SRP68: variants seen among roughly 807,000 people sequenced by gnomAD.
SRP68 encodes the protein signal recognition particle 68, also known as signal recognition particle subunit SRP68.
A neutral mutation model predicts 82.2 loss-of-function variants in SRP68; 15 were observed. The ratio of observed to expected loss-of-function variants is 0.18; its 90% CI spans 0.12 to 0.28. The LOEUF is 0.28. Among genes scored for constraint, SRP68 ranks in the 10% least tolerant of loss-of-function variants. The pLI is 1.00. For synonymous variants in SRP68, 261 were observed against 292.6 expected (o/e 0.89, Z 1.10); for missense variants, 595 against 780.5 (o/e 0.76, Z 2.83).
At chr17:76,070,208 G>A (rs1159138643) in intron 2 of SRP68, among the ~76,000 whole-genome samples, 170 bp downstream of exon 2, 2 of 129,226 alleles carry the variant, frequency 1.5e-5, no homozygotes, top group Non-Finnish European at 3.1e-5. Flanking sequence ...TGGCGACAGA[G>A]CGAGACTCCA....
chr17:76,041,469 A>C (rs1406587349), intron 13 of SRP68: 1 of 152,646 alleles, frequency 6.6e-6, no homozygotes, highest in East Asian at 1.9e-4. Context: ...AGGGTGATGA[A>C]TTTTCCTGGC....
chr17:76,071,576 G>A lies in SRP68; in HGVS notation c.184+732C>T, dbSNP rs896623012. Among the ~76,000 whole-genome samples the A allele has an allele frequency of 6.6e-6, 1 of 152,124 alleles. No homozygotes were observed. The highest frequency in any genetic ancestry group is 2.4e-5 in the African/African-American group (1 of 41,440). On this transcript the variant is annotated intron_variant, in intron 1 of 15. Transcript: ENST00000307877. The surrounding 1 kb of genome is among the most constrained non-coding windows in gnomAD (Gnocchi z 4.7). ...TAATTCAAAATATTTAACTCCAAGC[G>A]CCTGAGAACTTTAAGCACATTAAGA...
chr17:76,072,007 G>A lies in SRP68; in HGVS notation c.184+301C>T, dbSNP rs1254908789. 1 of 506,884 alleles carries A rather than the reference G, an allele frequency of 2.0e-6. No homozygotes were observed. 31.4% of individuals were successfully genotyped at this position (506,884 alleles called of 1,614,324 possible). ...CAAGGTGCCAAAGCAAGGTGCTCAAGGTGTCACTTGGTCACAAGCCCTCCA... is the reference window on the plus strand; with the variant it reads ...CAAGGTGCCAAAGCAAGGTGCTCAAAGTGTCACTTGGTCACAAGCCCTCCA... On this transcript the variant is annotated intron_variant, in intron 1 of 15. Transcript: ENST00000307877. This position sits in a 1 kb window ranked among gnomAD's most constrained non-coding sequence, Gnocchi z 4.5.
At chr17:76,054,700 G>A (rs1276772135) in intron 8 of SRP68, among the ~76,000 whole-genome samples, 3 of 151,954 alleles carry the variant, frequency 2.0e-5, no homozygotes, top group African/African-American at 7.2e-5. Context: ...GTATGCGCCT[G>A]TAATCCCAGC....
At position 76,040,433 on chromosome 17, in the gene SRP68, C is replaced by T; in HGVS notation, c.1642G>A (p.Val548Ile). Residue 548 changes from valine (V) to isoleucine (I), a missense_variant, in exon 15 of 16, where the codon GTC (valine) becomes ATC (isoleucine). Coordinates refer to ENST00000307877, the MANE Select transcript of SRP68 (RefSeq NM_014230.4). ...AHQTETSSSQ[V>I]KDNKPLVERF... ...CCCAGACTTACCTTATTGTCCTTGACTTGGGAGGAGGAGGTCTCTGTTTGA... is the reference window on the plus strand; with the variant it reads ...CCCAGACTTACCTTATTGTCCTTGATTTGGGAGGAGGAGGTCTCTGTTTGA... 1.2e-6 allele frequency: 2 copies of T among 1,614,132 alleles called. No homozygotes were observed. The highest frequency in any genetic ancestry group is 8.5e-7 in the Non-Finnish European group (1 of 1,179,976).
intron 10 of SRP68, among the ~76,000 whole-genome samples, chr17:76,047,247 A>G (rs1008717908): frequency 7.9e-5 from 12 of 152,160 alleles, no homozygotes; most frequent in African/African-American, 2.9e-4. Context: ...CCTCTGGAGT[A>G]TCTGAGACCA....
At chr17:76,055,860 C>T (rs1248070169) in intron 8 of SRP68, among the ~76,000 whole-genome samples, 1 of 135,550 alleles carries the variant, frequency 7.4e-6, no homozygotes, top group Non-Finnish European at 1.5e-5. Flanking sequence ...CAGGCTGCAG[C>T]ATAGTGGTGT....
At chr17:76,064,650 G>C (rs537245388) in intron 3 of SRP68, among the ~76,000 whole-genome samples, 1 of 152,022 alleles carries the variant, frequency 6.6e-6, no homozygotes, top group Non-Finnish European at 1.5e-5. Context: ...AGATCAGCCT[G>C]GCCAACATGG....
intron 7 of SRP68, among the ~76,000 whole-genome samples, chr17:76,058,233 A>C (rs1043779195): frequency 6.6e-5 from 10 of 151,540 alleles, no homozygotes; most frequent in African/African-American, 2.2e-4. Flanking sequence ...AGCTTACTGC[A>C]ACCTCCACCT....
At position 76,043,976 on chromosome 17, in the gene SRP68, G is replaced by T. The variant is rs937319369; in HGVS notation, c.1395-18C>A. 3 of 1,590,916 alleles carry T rather than the reference G, an allele frequency of 1.9e-6. No homozygotes were observed. The highest frequency in any genetic ancestry group is 1.4e-5 in the African/African-American group (1 of 73,346). On this transcript the variant is annotated intron_variant, in intron 12 of 15. Transcript: ENST00000307877. Reference sequence around the variant, plus strand: ...AAAAACACCTGATGGGGAGGGAAAAGAGCCACAATATTCTAAAGCAGCAAT... The same window carrying T: ...AAAAACACCTGATGGGGAGGGAAAATAGCCACAATATTCTAAAGCAGCAAT...
intron 4 of SRP68, among the ~76,000 whole-genome samples, chr17:76,061,815 G>T (rs1025057530): frequency 1.3e-5 from 2 of 151,552 alleles, no homozygotes; most frequent in Admixed American, 1.3e-4. Flanking sequence ...TTAAAAATAA[G>T]AATAAATTTT....
Position 76,063,211 on chromosome 17 carries a change from C to T in SRP68, c.561+765G>A, listed in dbSNP as rs1353933794. Reference sequence around the variant, plus strand: ...TCAAAAGAAGGAAATTTGTTTTCTGCATTTTACTTAACCATTTTCTGAGCT... The same window carrying T: ...TCAAAAGAAGGAAATTTGTTTTCTGTATTTTACTTAACCATTTTCTGAGCT... On this transcript the variant is annotated intron_variant, in intron 4 of 15. Coordinates refer to ENST00000307877, the MANE Select transcript of SRP68 (RefSeq NM_014230.4). 2.6e-5 allele frequency among the ~76,000 whole-genome samples: 4 copies of T among 152,266 alleles called. No individual in the cohort carries two copies. The East Asian group carries it at 7.7e-4, about 29-fold the overall frequency.
intron 4 of SRP68, 72 bp from the exon 5 acceptor site, chr17:76,061,646 G>C: frequency 7.8e-7 from 1 of 1,288,952 alleles, no homozygotes; most frequent in Admixed American, 1.8e-5. Context: ...TCCTTTATTG[G>C]CTTCTAACTT....
intron 1 of SRP68, among the ~76,000 whole-genome samples, chr17:76,070,707 T>C (rs1053990966): frequency 2.0e-5 from 3 of 151,824 alleles, no homozygotes; most frequent in Admixed American, 2.0e-4. Flanking sequence ...CCGGGCGCAA[T>C]GGCTAGCACC....
intron 2 of SRP68, among the ~76,000 whole-genome samples, chr17:76,068,020 A>C (rs374823930): frequency 6.6e-6 from 1 of 152,004 alleles, no homozygotes; most frequent in Non-Finnish European, 1.5e-5. Flanking sequence ...GGCTGGGTGC[A>C]GTGGCTCACA....
chr17:76,040,037 CTCACTCAA>C lies in SRP68; in HGVS notation c.1657-112_1657-105del, dbSNP rs140507187. 1.9e-3 allele frequency: 2,086 copies of C among 1,110,960 alleles called. 31 individuals are homozygous for C. The African/African-American group carries it at 0.027, about 14-fold the overall frequency. 68.8% of individuals were successfully genotyped at this position (1,110,960 alleles called of 1,614,324 possible). A position where few individuals can be genotyped will look rare whatever the true frequency, so the allele number is the denominator to read the frequency against. On this transcript the variant is annotated intron_variant, in intron 15 of 15. Transcript: ENST00000307877. ...TGGTTCAGAGCTTTACAGGGGCCAT[CTCACTCAA>C]TCACTCAATCCCGACAGCCTCCTAC... is the stretch of plus-strand genomic sequence containing the variant.
At position 76,070,440 on chromosome 17, in the gene SRP68, A is replaced by C. The variant is rs771736131; in HGVS notation, c.189T>G (p.Leu63=). ...EFGDSLSLEI[L]QIIKESQQQH... Reference sequence around the variant, plus strand: ...GCTGCTGGGATTCCTTAATAATCTGAAGAACTAGAGTCGAGATTAAGGAAA... The same window carrying C: ...GCTGCTGGGATTCCTTAATAATCTGCAGAACTAGAGTCGAGATTAAGGAAA... Residue 63 remains leucine, a synonymous_variant, in exon 2 of 16, where the codon CTT becomes CTG. Transcript: ENST00000307877. 29 of 1,613,946 alleles carry C rather than the reference A, an allele frequency of 1.8e-5. No homozygotes were observed. The South Asian group carries it at 2.4e-4, about 13-fold the overall frequency.
chr17:76,050,838 C>T (rs992007498), intron 8 of SRP68, among the ~76,000 whole-genome samples: 2 of 151,736 alleles, frequency 1.3e-5, no homozygotes, highest in Non-Finnish European at 2.9e-5. Context: ...TGCTACTTCC[C>T]TGCAGCGCTT....
chr17:76,046,475 A>C (rs988712036), intron 10 of SRP68, among the ~76,000 whole-genome samples: 1,194 of 113,378 alleles, frequency 0.011, 18 homozygotes, highest in African/African-American at 0.058. Context: ...GAAAAAAAAA[A>C]AAAAAAAAAC....
Sources: gnomAD v4.1 joint callset for allele counts (sites outside exome capture counted in the v4.1 genomes callset) on GRCh38, gnomAD v4.1.1 for gene constraint, Gnocchi (gnomAD v3.1) non-coding constraint, MANE v1.5 for transcripts, NCBI Gene and HGNC (gene_info 2026-07-23, HGNC 2026-07-21) for gene names.